Variants in ESYT3 observed in about 807,000 individuals in gnomAD.
The protein encoded by ESYT3 is extended synaptotagmin-3.
Under a neutral mutation model 111.5 loss-of-function variants are expected in ESYT3, and 101 were observed. That is an observed-to-expected ratio of 0.91 (90% CI 0.77 to 1.07). ESYT3 has a LOEUF of 1.07. Among genes scored for constraint, ESYT3 ranks in the 50% least tolerant of loss-of-function variants. The probability of loss-of-function intolerance (pLI) is 0.00; values close to 1 mark genes in which losing one functional copy is unlikely to be tolerated. For missense variants in ESYT3, 1,097 were observed against 1,109.4 expected (o/e 0.99, Z 0.16); for synonymous variants, 416 against 446.8 (o/e 0.93, Z 0.87).
intron 5 of ESYT3, among the ~76,000 whole-genome samples, chr3:138,459,545 A>G (rs1460898567): frequency 6.6e-6 from 1 of 152,224 alleles, no homozygotes; most frequent in Non-Finnish European, 1.5e-5. Flanking sequence ...GGAGCGATGG[A>G]AAGCCATTGC....
In ESYT3 at chr3:138,435,238, G is replaced by A; in HGVS notation, c.327+113G>A. The A allele has an allele frequency of 9.2e-7, 1 of 1,088,332 alleles. No homozygotes were observed. Among genetic ancestry groups the A allele is most frequent in the South Asian group, 1.6e-5 (1 of 61,250 alleles). 67.4% of individuals were successfully genotyped at this position (1,088,332 alleles called of 1,614,324 possible). A position where few individuals can be genotyped will look rare whatever the true frequency, so the allele number is the denominator to read the frequency against. Reference sequence around the variant, plus strand: ...AAACCCGAGGCAGGGCGGGAGCCCGGCGACCTGCACACCCCGTTCCCCACC... The same window carrying A: ...AAACCCGAGGCAGGGCGGGAGCCCGACGACCTGCACACCCCGTTCCCCACC... On this transcript the variant is annotated intron_variant, in intron 1 of 22. Coordinates refer to ENST00000389567, the MANE Select transcript of ESYT3 (RefSeq NM_031913.5). The surrounding 1 kb of genome is among the most constrained non-coding windows in gnomAD (Gnocchi z 4.8).
chr3:138,452,203 G>T lies in ESYT3; in HGVS notation c.369+114G>T, dbSNP rs777985553. On this transcript the variant is annotated intron_variant, in intron 2 of 22. Coordinates refer to ENST00000389567, the MANE Select transcript of ESYT3 (RefSeq NM_031913.5). Reference sequence around the variant, plus strand: ...TCGCGGCAATTTCCTTGCCTGACGCGGGCAGGGATGCTCCCTTTCCCTCTT... The same window carrying T: ...TCGCGGCAATTTCCTTGCCTGACGCTGGCAGGGATGCTCCCTTTCCCTCTT... The T allele has an allele frequency of 1.3e-5, 12 of 903,036 alleles. No homozygotes were observed. The African/African-American group carries it at 1.8e-4, about 14-fold the overall frequency. 55.9% of individuals were successfully genotyped at this position (903,036 alleles called of 1,614,324 possible). A position where few individuals can be genotyped will look rare whatever the true frequency, so the allele number is the denominator to read the frequency against.
Position 138,435,719 on chromosome 3 carries a change from A to T in ESYT3, c.327+594A>T, listed in dbSNP as rs1023382119. On this transcript the variant is annotated intron_variant, in intron 1 of 22. Coordinates refer to ENST00000389567, the MANE Select transcript of ESYT3 (RefSeq NM_031913.5). The surrounding 1 kb of genome is among the most constrained non-coding windows in gnomAD (Gnocchi z 4.8). Reference sequence around the variant, plus strand: ...GCCGGATAGGGATGCCGGCACACGCACACTGCCCCGACAAACCCATCTCCT... The same window carrying T: ...GCCGGATAGGGATGCCGGCACACGCTCACTGCCCCGACAAACCCATCTCCT... Among the ~76,000 whole-genome samples, 1 of 151,602 alleles carries T rather than the reference A, an allele frequency of 6.6e-6. No individual in the cohort carries two copies. Among genetic ancestry groups the T allele is most frequent in the Non-Finnish European group, 1.5e-5 (1 of 67,924 alleles).
chr3:138,475,667 C>T (rs2033445301), intron 20 of ESYT3, among the ~76,000 whole-genome samples: 1 of 152,154 alleles, frequency 6.6e-6, no homozygotes, highest in Admixed American at 6.5e-5. Context: ...GTGGCTCACG[C>T]CTGTAATCCC....
At chr3:138,469,979 G>A (rs2033132928) in intron 15 of ESYT3, 81 bp from the exon 16 acceptor site, 3 of 1,229,046 alleles carry the variant, frequency 2.4e-6, no homozygotes, top group South Asian at 1.3e-5. Flanking sequence ...GTACCTGGTG[G>A]CCAGAGTGAT....
Position 138,472,240 on chromosome 3 carries a change from T to C in ESYT3, c.1741-123T>C, listed in dbSNP as rs1220888274. ...GGAACACCATATGTATTACTGGAAA[T>C]GGAAGTTCCCTAGGAAGGGTCTTTA... On this transcript the variant is annotated intron_variant, in intron 17 of 22. Transcript: ENST00000389567. 3.1e-6 allele frequency: 4 copies of C among 1,283,258 alleles called. No individual in the cohort carries two copies. The East Asian group carries it at 9.3e-5, about 30-fold the overall frequency. 79.5% of individuals were successfully genotyped at this position (1,283,258 alleles called of 1,614,324 possible).
At position 138,435,528 on chromosome 3, in the gene ESYT3, C is replaced by T. The variant is rs1453037317; in HGVS notation, c.327+403C>T. ...CAGAGAACGAACGCCGGACGCAAAA[C>T]GTAGATGGGCAAATACCGCAGTGAC... On this transcript the variant is annotated intron_variant, in intron 1 of 22. Coordinates refer to ENST00000389567, the MANE Select transcript of ESYT3 (RefSeq NM_031913.5). The surrounding 1 kb of genome is among the most constrained non-coding windows in gnomAD (Gnocchi z 4.8). Among the ~76,000 whole-genome samples, 1 of 152,244 alleles carries T rather than the reference C, an allele frequency of 6.6e-6. No individual in the cohort carries two copies. The highest frequency in any genetic ancestry group is 1.5e-5 in the Non-Finnish European group (1 of 68,040).
At chr3:138,472,967 C>T (rs1026405818) in intron 18 of ESYT3, 108 bp downstream of exon 18, 2 of 1,516,856 alleles carry the variant, frequency 1.3e-6, no homozygotes, top group Admixed American at 2.1e-5. Context: ...TGTTTTTTCA[C>T]AAAATATCTT....
At position 138,473,505 on chromosome 3, in the gene ESYT3, G is replaced by A. The variant is rs776905781; in HGVS notation, c.2238-31G>A. Reference sequence around the variant, plus strand: ...CGGAAGAGGGCCAATGCTTGTTATGGCGAGAGAAGTGATGGGCTCTTTCTT... The same window carrying A: ...CGGAAGAGGGCCAATGCTTGTTATGACGAGAGAAGTGATGGGCTCTTTCTT... On this transcript the variant is annotated intron_variant, in intron 18 of 22. Transcript: ENST00000389567. The A allele has an allele frequency of 3.8e-6, 6 of 1,596,676 alleles. No individual in the cohort carries two copies. In the Admixed American group the frequency reaches 5.0e-5, roughly 13 times the overall value.
intron 14 of ESYT3, 106 bp downstream of exon 14, chr3:138,468,987 G>A (rs2033081395): frequency 5.0e-6 from 6 of 1,210,492 alleles, no homozygotes; most frequent in Non-Finnish European, 7.4e-6. Context: ...TGCACACACA[G>A]CCTGGGGATA....
Position 138,435,081 on chromosome 3 carries a change from G to T in ESYT3, c.283G>T (p.Glu95Ter). The T allele has an allele frequency of 1.3e-6, 2 of 1,592,894 alleles. No homozygotes were observed. The highest frequency in any genetic ancestry group is 1.7e-6 in the Non-Finnish European group (2 of 1,172,312). Residue 95 changes from glutamate (E) to a stop codon, truncating the protein, a stop_gained, in exon 1 of 23, where the codon GAG (glutamate) becomes TAG (stop). Transcript: ENST00000389567. LOFTEE classifies it high-confidence loss of function. The surrounding 1 kb of genome is among the most constrained non-coding windows in gnomAD (Gnocchi z 4.8). ...CTTCGAATTCCTTGACAATGAACGCGAGTTCATCAGCCGCGAGCTGCGGGG... is the reference window on the plus strand; with the variant it reads ...CTTCGAATTCCTTGACAATGAACGCTAGTTCATCAGCCGCGAGCTGCGGGG... ...AAFEFLDNER[E>*]FISRELRGQH... is the part of the protein sequence containing the mutation.
At chr3:138,436,377 T>A (rs548615201) in intron 1 of ESYT3, among the ~76,000 whole-genome samples, 2 of 152,322 alleles carry the variant, frequency 1.3e-5, no homozygotes, top group South Asian at 4.1e-4. Context: ...TCAGTCATAT[T>A]GGATTAAGGC....
chr3:138,467,537 AT>A (rs1312331775), intron 10 of ESYT3, 23 bp from the exon 11 acceptor site: 1 of 1,613,862 alleles, frequency 6.2e-7, no homozygotes, highest in Non-Finnish European at 8.5e-7. Context: ...AGCTGACCCA[AT>A]CCCCTCTCCC....
chr3:138,477,014 C>A lies in ESYT3; in HGVS notation c.*160C>A. 3.9e-6 allele frequency: 2 copies of A among 517,242 alleles called. No homozygotes were observed. Among genetic ancestry groups the A allele is most frequent in the South Asian group, 3.8e-5 (1 of 26,130 alleles). The allele number at this position is 517,242 out of a possible 1,614,324, so 32.0% of individuals were successfully genotyped here. On this transcript the variant is annotated 3_prime_UTR_variant, in exon 23 of 23. Coordinates refer to ENST00000389567, the MANE Select transcript of ESYT3 (RefSeq NM_031913.5). ...TACAATTCTTGTGTGGAATTTAACTCCATGACTGAATAGCATAAGGAAGAG... is the reference window on the plus strand; with the variant it reads ...TACAATTCTTGTGTGGAATTTAACTACATGACTGAATAGCATAAGGAAGAG...
intron 1 of ESYT3, among the ~76,000 whole-genome samples, chr3:138,439,007 C>T (rs372420656): frequency 7.9e-5 from 12 of 152,212 alleles, no homozygotes; most frequent in East Asian, 7.7e-4. Flanking sequence ...AATTAAGAGC[C>T]GCCTCAGCTG....
intron 1 of ESYT3, among the ~76,000 whole-genome samples, chr3:138,451,654 T>C (rs1006075287): frequency 1.3e-5 from 2 of 152,110 alleles, no homozygotes; most frequent in African/African-American, 4.8e-5. Context: ...GCCTTCCATG[T>C]CCTCTCCCAC....
At chr3:138,468,450 A>G (rs1020227979) in intron 12 of ESYT3, among the ~76,000 whole-genome samples, 1 of 152,118 alleles carries the variant, frequency 6.6e-6, no homozygotes, top group Non-Finnish European at 1.5e-5. Context: ...TCATAGGGAA[A>G]TCCACTCAGT....
intron 20 of ESYT3, among the ~76,000 whole-genome samples, chr3:138,476,013 C>T (rs539995439): frequency 2.6e-5 from 4 of 152,196 alleles, no homozygotes; most frequent in African/African-American, 9.7e-5. Flanking sequence ...AGGCAAACAG[C>T]CTCTTAATAC....
intron 17 of ESYT3, 82 bp from the exon 18 acceptor site, chr3:138,472,281 G>A: frequency 3.9e-6 from 6 of 1,533,190 alleles, no homozygotes; most frequent in Non-Finnish European, 5.3e-6. Context: ...CACAACTGAG[G>A]GGAAAGGGGG....
Sources: allele counts gnomAD v4.1 joint callset (sites outside exome capture counted in the v4.1 genomes callset), GRCh38; gene constraint gnomAD v4.1.1; non-coding constraint Gnocchi (gnomAD v3.1); transcripts MANE v1.5; gene names NCBI Gene and HGNC (gene_info 2026-07-23, HGNC 2026-07-21).